The following CHST15 variants were observed in gnomAD, a reference collection of about 807,000 sequenced individuals.
CHST15 encodes the protein carbohydrate sulfotransferase 15, also known as B cell RAG associated protein (GALNAC4S-6ST).
In CHST15, 30 loss-of-function variants were observed where a neutral mutation model predicts 53.6. The observed-to-expected ratio is 0.56, with a 90% confidence interval of 0.42 to 0.76. CHST15 has a LOEUF of 0.76. Ranked by LOEUF, CHST15 falls within the 30% of genes least tolerant of loss-of-function variation. The probability of loss-of-function intolerance (pLI) is 0.00; values close to 1 mark genes in which losing one functional copy is unlikely to be tolerated. For missense variants in CHST15, 627 were observed against 740.5 expected (o/e 0.85, Z 1.78); for synonymous variants, 296 against 289.8 (o/e 1.02, Z -0.22).
At chr10:124,013,680 C>T (rs1000245395) in intron 6 of CHST15, among the ~76,000 whole-genome samples, 8 of 152,326 alleles carry the variant, frequency 5.3e-5, no homozygotes, top group Middle Eastern at 3.4e-3. Flanking sequence ...GGAACAGTTT[C>T]CTCTAACTCC....
Position 124,009,411 on chromosome 10 carries a change from G to A in CHST15, c.*738C>T. 2.0e-6 allele frequency: 2 copies of A among 1,001,894 alleles called. No individual in the cohort carries two copies. Among genetic ancestry groups the A allele is most frequent in the Non-Finnish European group, 2.4e-6 (2 of 839,250 alleles). The allele number at this position is 1,001,894 out of a possible 1,614,324, so 62.1% of individuals were successfully genotyped here. On this transcript the variant is annotated 3_prime_UTR_variant, in exon 8 of 8. Transcript: ENST00000435907. ...TCTATGTTAAACATAAGTCCACAAG[G>A]ACAGAATAGGAGGAGGTCAGAAAGA... is the stretch of plus-strand genomic sequence containing the variant.
At chr10:124,066,043 GTCTTTTTTT>G (rs990851222) in intron 1 of CHST15, among the ~76,000 whole-genome samples, 2 of 134,634 alleles carry the variant, frequency 1.5e-5, no homozygotes, top group African/African-American at 5.4e-5. Context: ...CTGTCTTTTT[GTCTTTTTTT>G]TCTTATTTGG....
chr10:124,086,527 G>A (rs771338796), intron 1 of CHST15, among the ~76,000 whole-genome samples: 3 of 152,160 alleles, frequency 2.0e-5, no homozygotes, highest in Admixed American at 6.5e-5. Context: ...CTCCAGCTCC[G>A]CAGGCAATGG....
chr10:124,034,961 T>C (rs1245240702), intron 5 of CHST15, among the ~76,000 whole-genome samples: 20 of 85,742 alleles, frequency 2.3e-4, no homozygotes, highest in Admixed American at 5.8e-4. Context: ...ACAGGGACCC[T>C]GGCTCTACCC....
rs532477547 is a variant in CHST15, at chr10:124,036,400, C to G, written c.1190+2115G>C. ...GCTGGGAGATGCAGAGAGCAGGGAG[C>G]GAAACCACACCTGGCACCTGCTAGA... is the stretch of plus-strand genomic sequence containing the variant. On this transcript the variant is annotated intron_variant, in intron 5 of 7. Transcript: ENST00000435907. This position sits in a 1 kb window ranked among gnomAD's most constrained non-coding sequence, Gnocchi z 5.1. Among the ~76,000 whole-genome samples the G allele has an allele frequency of 6.6e-6, 1 of 152,118 alleles. No homozygotes were observed. The highest frequency in any genetic ancestry group is 2.4e-5 in the African/African-American group (1 of 41,418).
intron 1 of CHST15, among the ~76,000 whole-genome samples, chr10:124,061,205 G>A (rs1381862180): frequency 6.6e-6 from 1 of 152,140 alleles, no homozygotes; most frequent in South Asian, 2.1e-4. Context: ...TGGTTTGACT[G>A]TGTGCCCACC....
At chr10:124,054,464 T>C (rs1948308038) in intron 1 of CHST15, among the ~76,000 whole-genome samples, 1 of 152,234 alleles carries the variant, frequency 6.6e-6, no homozygotes, top group Non-Finnish European at 1.5e-5. Flanking sequence ...GCCATATCCA[T>C]AATAAACAGG....
chr10:124,041,064 A>G (rs1288419613), intron 4 of CHST15, among the ~76,000 whole-genome samples: 2 of 152,246 alleles, frequency 1.3e-5, no homozygotes, highest in Admixed American at 6.5e-5. Flanking sequence ...CAAGTTTGCA[A>G]AAAACTAGAT....
chr10:124,045,706 C>A lies in CHST15; in HGVS notation c.507G>T (p.Gln169His). The A allele has an allele frequency of 6.2e-7, 1 of 1,611,314 alleles. No homozygotes were observed. Among genetic ancestry groups the A allele is most frequent in the Non-Finnish European group, 8.5e-7 (1 of 1,178,196 alleles). The stretch of plus-strand genomic sequence containing the variant: ...TCTTAAGGTCTTCTAAGTCTGGGAG[C>A]TGTCTGGTCGTGAACTCAATCCTAG... ...ITTRIEFTTR[Q>H]LPDLEDLKKQ... is the part of the protein sequence containing the mutation. The change falls in exon 2 of 8, where the codon CAG becomes CAT. Residue 169 changes from glutamine (Q) to histidine (H), a missense_variant. Coordinates refer to ENST00000435907, the MANE Select transcript of CHST15 (RefSeq NM_001270764.2).
chr10:124,043,811 C>T (rs924543488), intron 3 of CHST15, among the ~76,000 whole-genome samples: 7 of 152,206 alleles, frequency 4.6e-5, no homozygotes, highest in Admixed American at 1.3e-4. Flanking sequence ...GAAGCTGAGG[C>T]CTGAAGCAAC....
intron 1 of CHST15, among the ~76,000 whole-genome samples, chr10:124,051,322 A>G (rs1948187655): frequency 6.6e-6 from 1 of 152,248 alleles, no homozygotes; most frequent in Non-Finnish European, 1.5e-5. Flanking sequence ...TAACTATTAA[A>G]GAACATAACT....
intron 1 of CHST15, among the ~76,000 whole-genome samples, chr10:124,065,150 G>A (rs4929795): frequency 0.086 from 13,083 of 152,176 alleles, 1,171 homozygotes; most frequent in East Asian, 0.33. Flanking sequence ...TTGGGAGGCC[G>A]AGGTGGGAGG....
chr10:124,085,896 C>G (rs994044231), intron 1 of CHST15, among the ~76,000 whole-genome samples: 1 of 152,200 alleles, frequency 6.6e-6, no homozygotes, highest in Non-Finnish European at 1.5e-5. Context: ...GGGGCTCCCC[C>G]TCTCCAGTGG....
intron 4 of CHST15, among the ~76,000 whole-genome samples, chr10:124,041,471 C>A (rs1947739612): frequency 2.0e-5 from 3 of 152,044 alleles, no homozygotes; most frequent in Admixed American, 2.0e-4. Flanking sequence ...AGTTATTAAT[C>A]CTATTAATCC....
At position 124,008,388 on chromosome 10, in the gene CHST15, C is replaced by T; in HGVS notation, c.*1761G>A. 2 of 1,005,538 alleles carry T rather than the reference C, an allele frequency of 2.0e-6. No homozygotes were observed. The highest frequency in any genetic ancestry group is 2.4e-6 in the Non-Finnish European group (2 of 843,540). The allele number at this position is 1,005,538 out of a possible 1,614,324, so 62.3% of individuals were successfully genotyped here. A position where few individuals can be genotyped will look rare whatever the true frequency, so the allele number is the denominator to read the frequency against. On this transcript the variant is annotated 3_prime_UTR_variant, in exon 8 of 8. Transcript: ENST00000435907. ...GCACTGTACTGCAAATAAATATACA[C>T]ACACACTGAAGTGATCTCTCCCTAA...
intron 1 of CHST15, among the ~76,000 whole-genome samples, chr10:124,076,258 C>G (rs144490131): frequency 1.3e-5 from 2 of 152,228 alleles, no homozygotes. Context: ...CAGGTTTTCT[C>G]TTCTCAAAGC....
At chr10:124,030,073 A>C (rs930885070) in intron 5 of CHST15, among the ~76,000 whole-genome samples, 2 of 152,214 alleles carry the variant, frequency 1.3e-5, no homozygotes, top group Admixed American at 1.3e-4. Flanking sequence ...AAACATAAAC[A>C]GTGTTCAGCA....
At chr10:124,035,241 TCCCCTAACAGGGACCCTGGCTCCA>T (rs1197440752) in intron 5 of CHST15, among the ~76,000 whole-genome samples, 19 of 37,660 alleles carry the variant, frequency 5.0e-4, no homozygotes, top group Non-Finnish European at 4.3e-4. Flanking sequence ...CCTGGCTTCA[TCCCCTAACAGGGACCCTGGCTCCA>T]CCCCTAACAG....
chr10:124,058,698 G>A (rs1590299951), intron 1 of CHST15, among the ~76,000 whole-genome samples: 1 of 152,212 alleles, frequency 6.6e-6, no homozygotes, highest in Non-Finnish European at 1.5e-5. Context: ...GCCAGGGTCA[G>A]TAGTGCTCAA....
Sources: gnomAD v4.1 joint callset for allele counts (sites outside exome capture counted in the v4.1 genomes callset) on GRCh38, gnomAD v4.1.1 for gene constraint, Gnocchi (gnomAD v3.1) non-coding constraint, MANE v1.5 for transcripts, NCBI Gene and HGNC (gene_info 2026-07-23, HGNC 2026-07-21) for gene names.